The following TENT4B variants were observed in gnomAD, a reference collection of about 807,000 sequenced individuals.
TENT4B encodes the protein PAP associated domain containing 5.
TENT4B carries 10 observed loss-of-function variants against 75.0 expected under a neutral mutation model. The observed-to-expected ratio is 0.13, with a 90% confidence interval of 0.08 to 0.23. The LOEUF is 0.23. TENT4B is among the 10% of genes least tolerant of loss of function. The pLI, the probability that TENT4B is intolerant of heterozygous loss-of-function variation, is 1.00. For missense variants in TENT4B, 579 were observed against 893.8 expected, an observed-to-expected ratio of 0.65 and a Z score of 4.49; for synonymous variants, 350 against 357.7, an observed-to-expected ratio of 0.98 and a Z score of 0.24.
chr16:50,215,528 C>G (rs539184760), intron 3 of TENT4B, among the ~76,000 whole-genome samples: 22 of 152,270 alleles, frequency 1.4e-4, no homozygotes, highest in Non-Finnish European at 1.2e-4. Context: ...GCACAAAAAT[C>G]AATACAGGGA....
At chr16:50,183,922 T>A (rs2038473918) in intron 1 of TENT4B, among the ~76,000 whole-genome samples, 1 of 152,146 alleles carries the variant, frequency 6.6e-6, no homozygotes, top group Non-Finnish European at 1.5e-5. Flanking sequence ...CTAACCCATT[T>A]AAAGTGGGTG....
At chr16:50,206,238 G>A (rs1426337414) in intron 1 of TENT4B, among the ~76,000 whole-genome samples, 1 of 151,992 alleles carries the variant, frequency 6.6e-6, no homozygotes, top group Non-Finnish European at 1.5e-5. Flanking sequence ...TTAGTAGAAT[G>A]ACCTCAGGAG....
chr16:50,195,044 C>T (rs1157780535), intron 1 of TENT4B, among the ~76,000 whole-genome samples: 1 of 152,128 alleles, frequency 6.6e-6, no homozygotes, highest in African/African-American at 2.4e-5. Context: ...CCACTGCACC[C>T]GGCCTGGCTA....
chr16:50,162,984 T>A (rs1016642462), intron 1 of TENT4B, among the ~76,000 whole-genome samples: 1 of 152,198 alleles, frequency 6.6e-6, no homozygotes, highest in African/African-American at 2.4e-5. Flanking sequence ...ACCTTTAGAC[T>A]CTATAGAATA....
Position 50,231,419 on chromosome 16 carries a change from G to T in TENT4B, c.*2091G>T. On this transcript the variant is annotated 3_prime_UTR_variant, in exon 12 of 12. Coordinates refer to ENST00000561678, the MANE Select transcript of TENT4B (RefSeq NM_001365324.3). Reference sequence around the variant, plus strand: ...TGCCTATTTCAGACACTTAATACTTGCAGAGATCTATGTTACATTTACCAC... The same window carrying T: ...TGCCTATTTCAGACACTTAATACTTTCAGAGATCTATGTTACATTTACCAC... 1 of 984,686 alleles carries T rather than the reference G, an allele frequency of 1.0e-6. No individual in the cohort carries two copies. Among genetic ancestry groups the T allele is most frequent in the Middle Eastern group, 5.2e-4 (1 of 1,912 alleles). The allele number at this position is 984,686 out of a possible 1,614,324, so 61.0% of individuals were successfully genotyped here. A position where few individuals can be genotyped will look rare whatever the true frequency, so the allele number is the denominator to read the frequency against.
intron 3 of TENT4B, 32 bp from the exon 4 acceptor site, chr16:50,216,043 C>T (rs2031535225): frequency 1.2e-6 from 2 of 1,611,370 alleles, no homozygotes; most frequent in South Asian, 2.2e-5. Context: ...CCAACTTCTT[C>T]CGACCCTCTT....
At position 50,229,411 on chromosome 16, in the gene TENT4B, A is replaced by G. The variant is rs941083835; in HGVS notation, c.*83A>G. 6.7e-7 allele frequency: 1 copy of G among 1,502,300 alleles called. No homozygotes were observed. The highest frequency in any genetic ancestry group is 2.4e-5 in the East Asian group (1 of 42,436). 93.1% of individuals were successfully genotyped at this position (1,502,300 alleles called of 1,614,324 possible). ...GCGCAGGGACTCCTGGGAGATATTC[A>G]GGAGCCTCACACTGTTCAGACGTTG... is the stretch of plus-strand genomic sequence containing the variant. On this transcript the variant is annotated 3_prime_UTR_variant, in exon 12 of 12. Coordinates refer to ENST00000561678, the MANE Select transcript of TENT4B (RefSeq NM_001365324.3).
intron 1 of TENT4B, among the ~76,000 whole-genome samples, chr16:50,170,176 C>T (rs1467266608): frequency 2.0e-5 from 3 of 151,878 alleles, no homozygotes; most frequent in Non-Finnish European, 4.4e-5. Context: ...CCTGCCACCA[C>T]GCCTGGCTAA....
Position 50,184,743 on chromosome 16 carries a change from G to C in TENT4B, c.639-26580G>C, listed in dbSNP as rs181681656. ...TTTATTTTGTTTTGTTTTGTTTGTG[G>C]GGGGAGCGGAGGGCACAGTCTCACT... is the stretch of plus-strand genomic sequence containing the variant. On this transcript the variant is annotated intron_variant, in intron 1 of 11. Coordinates refer to ENST00000561678, the MANE Select transcript of TENT4B (RefSeq NM_001365324.3). Among the ~76,000 whole-genome samples the C allele has an allele frequency of 6.9e-3, 1,041 of 150,888 alleles. 3 individuals are homozygous for C. The highest frequency in any genetic ancestry group is 0.01 in the Non-Finnish European group (683 of 67,364).
At chr16:50,153,162 GAGCGC>G (rs1466467793), upstream of TENT4B, 36 of 289,722 alleles carry the variant, frequency 1.2e-4, no homozygotes, top group African/African-American at 8.6e-4. Context: ...GGGGCGGGGC[GAGCGC>G]GTGAGGGCGG....
intron 2 of TENT4B, 115 bp from the exon 3 acceptor site, chr16:50,214,106 C>G: frequency 1.3e-6 from 1 of 753,270 alleles, no homozygotes; most frequent in Non-Finnish European, 2.2e-6. Flanking sequence ...TCTTGTCATA[C>G]CAAAAAGTAC....
rs1392279389 is a variant in TENT4B at position 50,154,265 on chromosome 16, T to G, written c.638+6T>G. 1 of 1,406,938 alleles carries G rather than the reference T, an allele frequency of 7.1e-7. No individual in the cohort carries two copies. The highest frequency in any genetic ancestry group is 1.6e-5 in the South Asian group (1 of 63,540). The allele number at this position is 1,406,938 out of a possible 1,614,324, so 87.2% of individuals were successfully genotyped here. On this transcript the variant is annotated splice_donor_region_variant and intron_variant, in intron 1 of 11. Coordinates refer to ENST00000561678, the MANE Select transcript of TENT4B (RefSeq NM_001365324.3). ...TACAACCAGGGAGTCGTGGGGTGAGTGCTGGCTCTGCGGCCCGATGGCCTG... is the reference window on the plus strand; with the variant it reads ...TACAACCAGGGAGTCGTGGGGTGAGGGCTGGCTCTGCGGCCCGATGGCCTG...
chr16:50,227,787 G>T, intron 10 of TENT4B, 52 bp from the exon 11 acceptor site: 2 of 1,580,718 alleles, frequency 1.3e-6, no homozygotes, highest in South Asian at 1.1e-5. Flanking sequence ...TCTGAATATT[G>T]AGTATCTAAA....
intron 1 of TENT4B, among the ~76,000 whole-genome samples, chr16:50,176,674 T>A (rs188945656): frequency 7.3e-5 from 11 of 151,242 alleles, no homozygotes; most frequent in African/African-American, 2.4e-4. Context: ...GCCCAGATAA[T>A]TTTTGTATTT....
chr16:50,195,735 C>T (rs2030191730), intron 1 of TENT4B, among the ~76,000 whole-genome samples: 1 of 152,146 alleles, frequency 6.6e-6, no homozygotes, highest in Non-Finnish European at 1.5e-5. Flanking sequence ...TCAGTGTTCA[C>T]AGTATCTTCC....
intron 1 of TENT4B, among the ~76,000 whole-genome samples, chr16:50,171,052 C>T (rs980330629): frequency 1.3e-5 from 2 of 152,058 alleles, no homozygotes; most frequent in Non-Finnish European, 2.9e-5. Context: ...CTACCTTAGC[C>T]TCCCAGAGTG....
chr16:50,216,055 T>TA lies in TENT4B; in HGVS notation c.810-19dup. The TA allele has an allele frequency of 1.2e-6, 2 of 1,613,724 alleles. No individual in the cohort carries two copies. The highest frequency in any genetic ancestry group is 2.2e-5 in the South Asian group (2 of 91,064). Reference sequence around the variant, plus strand: ...TTTCCAACTTCTTCCGACCCTCTTGTATATGTATTCTGTGTTCAGTGACAT... The same window carrying TA: ...TTTCCAACTTCTTCCGACCCTCTTGTAATATGTATTCTGTGTTCAGTGACAT... On this transcript the variant is annotated intron_variant, in intron 3 of 11. Transcript: ENST00000561678.
At chr16:50,216,500 C>T (rs1000504440) in intron 4 of TENT4B, among the ~76,000 whole-genome samples, 1 of 152,104 alleles carries the variant, frequency 6.6e-6, no homozygotes, top group African/African-American at 2.4e-5. Flanking sequence ...TTTGTAGAGA[C>T]GGGGTTTCAC....
chr16:50,186,099 A>AGTG (rs372600437), intron 1 of TENT4B, among the ~76,000 whole-genome samples: 2 of 152,270 alleles, frequency 1.3e-5, no homozygotes, highest in African/African-American at 4.8e-5. Context: ...TTTACAAGTC[A>AGTG]GTGGCATTAA....
Sources: allele counts gnomAD v4.1 joint callset (sites outside exome capture counted in the v4.1 genomes callset), GRCh38; gene constraint gnomAD v4.1.1; transcripts MANE v1.5; gene names NCBI Gene and HGNC (gene_info 2026-07-23, HGNC 2026-07-21).